The following ADAMTS3 variants were observed in gnomAD, a reference collection of about 807,000 sequenced individuals.
The protein encoded by ADAMTS3 is ADAM metallopeptidase with thrombospondin type 1 motif 3.
ADAMTS3 carries 73 observed loss-of-function variants against 129.0 expected under a neutral mutation model. That is an observed-to-expected ratio of 0.57 (90% CI 0.47 to 0.69). The LOEUF is 0.69. Among genes scored for constraint, ADAMTS3 ranks in the 30% least tolerant of loss-of-function variants. The probability of loss-of-function intolerance (pLI) is 0.00; values close to 1 mark genes in which losing one functional copy is unlikely to be tolerated. For synonymous variants in ADAMTS3, 477 were observed against 510.8 expected, an observed-to-expected ratio of 0.93 and a Z score of 0.89; for missense variants, 1,457 against 1,514.5, an observed-to-expected ratio of 0.96 and a Z score of 0.63.
chr4:72,293,547 T>C (rs1345547650), intron 19 of ADAMTS3, among the ~76,000 whole-genome samples: 2 of 152,128 alleles, frequency 1.3e-5, no homozygotes, highest in Non-Finnish European at 2.9e-5. Context: ...AGGCAAGAAA[T>C]TGATTCTGTT....
chr4:72,497,465 G>A (rs1294960466), intron 3 of ADAMTS3, among the ~76,000 whole-genome samples: 1 of 151,518 alleles, frequency 6.6e-6, no homozygotes, highest in African/African-American at 2.4e-5. Context: ...CATTTTTATG[G>A]AAATGGTATA....
chr4:72,457,552 C>A (rs1449259712), intron 3 of ADAMTS3, among the ~76,000 whole-genome samples: 1 of 151,512 alleles, frequency 6.6e-6, no homozygotes, highest in Non-Finnish European at 1.5e-5. Context: ...TGGGAGACAA[C>A]AAAAGATGGT....
chr4:72,385,096 C>A (rs1044925404), intron 4 of ADAMTS3, among the ~76,000 whole-genome samples: 1 of 151,894 alleles, frequency 6.6e-6, no homozygotes, highest in East Asian at 1.9e-4. Context: ...AGGAGAATGG[C>A]GTGAACCTGG....
rs1719221801 is a variant in ADAMTS3 at position 72,311,097 on chromosome 4, T to C, written c.2006A>G (p.His669Arg). ...YMKQLVHDGT[H>R]CSYKDPYSIC... ...GCTATATGGATCTTTGTAAGAACAG[T>C]GCGTTCCATCATGCACCAGTTGTTT... Residue 669 changes from histidine (H) to arginine (R), a missense_variant, in exon 14 of 22, where the codon CAC becomes CGC. By Grantham distance (29) the His-to-Arg change is conservative. Transcript: ENST00000286657. The C allele has an allele frequency of 1.2e-5, 20 of 1,612,612 alleles. No individual in the cohort carries two copies. Among genetic ancestry groups the C allele is most frequent in the Non-Finnish European group, 1.6e-5 (19 of 1,179,056 alleles).
At chr4:72,335,812 G>T (rs1052186729) in intron 5 of ADAMTS3, among the ~76,000 whole-genome samples, 2 of 151,882 alleles carry the variant, frequency 1.3e-5, no homozygotes, top group Non-Finnish European at 2.9e-5. Context: ...ATTGCATTTG[G>T]CATCTATTTC....
intron 2 of ADAMTS3, among the ~76,000 whole-genome samples, chr4:72,561,543 AAG>A (rs1170448343): frequency 1.3e-5 from 2 of 152,138 alleles, no homozygotes; most frequent in East Asian, 1.9e-4. Flanking sequence ...TTACATGTAA[AAG>A]AGAGAGGTTC....
At chr4:72,498,314 A>G (rs371337452) in intron 3 of ADAMTS3, among the ~76,000 whole-genome samples, 13 of 152,094 alleles carry the variant, frequency 8.5e-5, no homozygotes, top group African/African-American at 3.1e-4. Context: ...CATCCCTGCC[A>G]TTGTATCAAT....
intron 3 of ADAMTS3, among the ~76,000 whole-genome samples, chr4:72,503,713 A>G (rs544797557): frequency 1.1e-3 from 173 of 152,318 alleles, no homozygotes; most frequent in Non-Finnish European, 2.1e-3. Flanking sequence ...GAAATCCCTC[A>G]GTATTATTGT....
chr4:72,522,276 A>G (rs1720695219), intron 3 of ADAMTS3, among the ~76,000 whole-genome samples: 1 of 151,356 alleles, frequency 6.6e-6, no homozygotes, highest in African/African-American at 2.5e-5. Flanking sequence ...AATATTCACA[A>G]CAAGATCTTG....
At chr4:72,405,079 C>G (rs1488753327) in intron 4 of ADAMTS3, among the ~76,000 whole-genome samples, 1 of 152,074 alleles carries the variant, frequency 6.6e-6, no homozygotes, top group African/African-American at 2.4e-5. Context: ...AACACTTGCA[C>G]TGTTGGTGTG....
At chr4:72,316,238 GTTTT>G (rs1309348705) in intron 10 of ADAMTS3, among the ~76,000 whole-genome samples, 1 of 152,062 alleles carries the variant, frequency 6.6e-6, no homozygotes, top group Admixed American at 6.6e-5. Context: ...CTGTTTTTAT[GTTTT>G]GTTTTTCAAA....
chr4:72,523,756 A>G (rs1283198892), intron 3 of ADAMTS3, among the ~76,000 whole-genome samples: 1 of 152,088 alleles, frequency 6.6e-6, no homozygotes, highest in Non-Finnish European at 1.5e-5. Context: ...TCTTTAACAT[A>G]TGACCTGATT....
rs1366447180 is a variant in ADAMTS3, at chr4:72,283,614, C to T, written c.3140G>A (p.Cys1047Tyr). 6.2e-7 allele frequency: 1 copy of T among 1,613,934 alleles called. No individual in the cohort carries two copies. The highest frequency in any genetic ancestry group is 1.7e-5 in the Admixed American group (1 of 60,010). Residue 1047 changes from cysteine (C) to tyrosine (Y), a missense_variant, in exon 22 of 22, where the codon TGT becomes TAT. Transcript: ENST00000286657. ...CSIPGYNKLCCESCSKRSSTL... is the reference protein window; with the variant it reads ...CSIPGYNKLCYESCSKRSSTL... The stretch of plus-strand genomic sequence containing the variant: ...GCTACTGCGCTTGCTGCAGGACTCA[C>T]AACATAACTTGTTATAACCTGGTAT...
chr4:72,463,346 C>T (rs7684809), intron 3 of ADAMTS3, among the ~76,000 whole-genome samples: 5,090 of 152,060 alleles, frequency 0.033, 277 homozygotes, highest in African/African-American at 0.12. Flanking sequence ...GTAATGGGTA[C>T]GTAGCTCAGA....
chr4:72,382,682 T>C (rs752218886), intron 4 of ADAMTS3, among the ~76,000 whole-genome samples: 3 of 152,172 alleles, frequency 2.0e-5, no homozygotes, highest in South Asian at 2.1e-4. Context: ...ATATACACCA[T>C]GGCATACTAT....
intron 3 of ADAMTS3, among the ~76,000 whole-genome samples, chr4:72,442,583 C>G (rs771013315): frequency 2.0e-4 from 31 of 151,834 alleles, no homozygotes; most frequent in South Asian, 1.7e-3. Flanking sequence ...CTCCATGGCC[C>G]AAACACCTTC....
At chr4:72,371,415 G>GA (rs1256875852) in intron 4 of ADAMTS3, among the ~76,000 whole-genome samples, 1 of 150,072 alleles carries the variant, frequency 6.7e-6, no homozygotes, top group Non-Finnish European at 1.5e-5. Flanking sequence ...AAAGGGTAAA[G>GA]AAAATGCACC....
chr4:72,310,609 A>G (rs1719205998), intron 14 of ADAMTS3, among the ~76,000 whole-genome samples: 1 of 152,150 alleles, frequency 6.6e-6, no homozygotes, highest in Non-Finnish European at 1.5e-5. Context: ...CTAATGTGAA[A>G]TTTAGCCTTT....
chr4:72,433,300 T>C (rs1722742249), intron 3 of ADAMTS3, among the ~76,000 whole-genome samples: 1 of 151,950 alleles, frequency 6.6e-6, no homozygotes, highest in African/African-American at 2.4e-5. Context: ...GTTTCCTTTG[T>C]TTTCATTTAA....
Sources: gnomAD v4.1 joint callset for allele counts (sites outside exome capture counted in the v4.1 genomes callset) on GRCh38, gnomAD v4.1.1 for gene constraint, MANE v1.5 for transcripts, NCBI Gene and HGNC (gene_info 2026-07-23, HGNC 2026-07-21) for gene names.